Variants in NELL1 observed in about 807,000 individuals in gnomAD.
NELL1 encodes neural EGFL like 1.
NELL1 carries 76 observed loss-of-function variants against 107.4 expected under a neutral mutation model. That is an observed-to-expected ratio of 0.71 (90% CI 0.59 to 0.86). The LOEUF is 0.86. Among genes scored for constraint, NELL1 ranks in the 40% least tolerant of loss-of-function variants. NELL1 has a pLI of 0.00. For missense variants in NELL1, 1,024 were observed against 1,005.5 expected (o/e 1.02, Z -0.25); for synonymous variants, 353 against 341.2 (o/e 1.03, Z -0.38).
intron 12 of NELL1, among the ~76,000 whole-genome samples, chr11:21,031,224 T>C (rs1010907144): frequency 1.3e-5 from 2 of 152,240 alleles, no homozygotes; most frequent in Non-Finnish European, 2.9e-5. Context: ...CATATTTAGA[T>C]CATTTTCAAT....
intron 12 of NELL1, among the ~76,000 whole-genome samples, chr11:21,012,805 C>T (rs11025874): frequency 0.17 from 26,029 of 151,884 alleles, 2,751 homozygotes; most frequent in East Asian, 0.28. Flanking sequence ...AGTCCATTTA[C>T]GAGTCTGAAT....
At chr11:21,057,505 T>TTGGTATCATCACTCAA (rs1287966206) in intron 12 of NELL1, among the ~76,000 whole-genome samples, 1 of 152,012 alleles carries the variant, frequency 6.6e-6, no homozygotes, top group Non-Finnish European at 1.5e-5. Flanking sequence ...ATCAATATAT[T>TTGGTATCATCACTCAA]TATCTACCTA....
intron 2 of NELL1, among the ~76,000 whole-genome samples, chr11:20,721,960 G>A (rs113317874): frequency 2.1e-3 from 327 of 152,098 alleles, no homozygotes; most frequent in African/African-American, 7.7e-3. Context: ...TCAAGTTGCA[G>A]CTCTGCCACT....
At chr11:21,288,396 G>A (rs1419648924) in intron 14 of NELL1, among the ~76,000 whole-genome samples, 22 of 152,192 alleles carry the variant, frequency 1.4e-4, no homozygotes, top group Non-Finnish European at 5.9e-5. Flanking sequence ...TCAGTTTACT[G>A]TGCTTTGTTT....
At chr11:20,882,016 C>G (rs1849418203) in intron 4 of NELL1, among the ~76,000 whole-genome samples, 2 of 152,196 alleles carry the variant, frequency 1.3e-5, no homozygotes, top group Admixed American at 1.3e-4. Context: ...CTGTGACTTT[C>G]ATTTTAGTTG....
intron 14 of NELL1, among the ~76,000 whole-genome samples, chr11:21,252,295 G>T (rs1858659125): frequency 6.6e-6 from 1 of 152,094 alleles, no homozygotes; most frequent in Admixed American, 6.6e-5. Flanking sequence ...AAAATGGGTA[G>T]ATCCAATTGG....
intron 13 of NELL1, among the ~76,000 whole-genome samples, chr11:21,190,719 C>A (rs1231476322): frequency 6.6e-6 from 1 of 151,824 alleles, no homozygotes. Context: ...CCTAATAAGA[C>A]CCTCATTTAT....
intron 2 of NELL1, among the ~76,000 whole-genome samples, chr11:20,699,306 C>G (rs1854708475): frequency 6.6e-6 from 1 of 152,138 alleles, no homozygotes; most frequent in South Asian, 2.1e-4. Context: ...TTTCTTTCCT[C>G]TTTATGGCTG....
At chr11:20,771,173 C>T (rs1212364754) in intron 2 of NELL1, among the ~76,000 whole-genome samples, 2 of 152,110 alleles carry the variant, frequency 1.3e-5, no homozygotes, top group African/African-American at 2.4e-5. Flanking sequence ...CTCTGGGACC[C>T]CAATAAAGCC....
chr11:21,529,907 T>G (rs748311655), intron 15 of NELL1, among the ~76,000 whole-genome samples: 2 of 152,182 alleles, frequency 1.3e-5, no homozygotes, highest in Non-Finnish European at 2.9e-5. Flanking sequence ...GAAATCTAAA[T>G]AATTATTAGT....
At position 21,113,573 on chromosome 11, in the gene NELL1, A is replaced by G; in HGVS notation, c.1301-16A>G. The stretch of plus-strand genomic sequence containing the variant: ...TATTTTGCTAACCATGATCTTACTT[A>G]TTTTTTTTCCTTCAGATATTGATGA... On this transcript the variant is annotated splice_polypyrimidine_tract_variant and intron_variant, in intron 12 of 19. Transcript: ENST00000357134. 6.2e-7 allele frequency: 1 copy of G among 1,602,724 alleles called. No individual in the cohort carries two copies. Among genetic ancestry groups the G allele is most frequent in the South Asian group, 1.1e-5 (1 of 89,308 alleles).
intron 12 of NELL1, among the ~76,000 whole-genome samples, chr11:21,040,106 T>A (rs1055918665): frequency 1.4e-4 from 22 of 151,880 alleles, no homozygotes; most frequent in Non-Finnish European, 5.9e-5. Context: ...CCCGGCTTTT[T>A]TTTTCTTGTG....
At chr11:21,294,521 GATAA>G (rs1384264698) in intron 14 of NELL1, among the ~76,000 whole-genome samples, 1 of 152,060 alleles carries the variant, frequency 6.6e-6, no homozygotes, top group East Asian at 1.9e-4. Context: ...TTGGATTGAA[GATAA>G]TAGTGATTAT....
intron 14 of NELL1, among the ~76,000 whole-genome samples, chr11:21,267,653 A>G (rs1287611788): frequency 6.6e-6 from 1 of 151,904 alleles, no homozygotes; most frequent in East Asian, 1.9e-4. Context: ...CACATCTGTC[A>G]TAGCAGAAGA....
intron 15 of NELL1, among the ~76,000 whole-genome samples, chr11:21,489,890 A>C (rs1339390499): frequency 6.6e-6 from 1 of 152,168 alleles, no homozygotes; most frequent in African/African-American, 2.4e-5. Flanking sequence ...ATCTGTAACA[A>C]GACAAAGATG....
chr11:21,420,596 C>T (rs11026078), intron 15 of NELL1, among the ~76,000 whole-genome samples: 4,089 of 152,086 alleles, frequency 0.027, 106 homozygotes, highest in African/African-American at 0.072. Flanking sequence ...AGTATAGGAA[C>T]GAAAAGAGGA....
chr11:21,037,624 A>T (rs1481897840), intron 12 of NELL1, among the ~76,000 whole-genome samples: 1 of 152,100 alleles, frequency 6.6e-6, no homozygotes, highest in East Asian at 1.9e-4. Flanking sequence ...AGAAAATCTA[A>T]ATCCTTCTCT....
rs78160396 is a variant in NELL1 at position 21,125,693 on chromosome 11, A to G, written c.1426+11979A>G. 4.8e-3 allele frequency among the ~76,000 whole-genome samples: 736 copies of G among 152,336 alleles called. 2 individuals carry two copies. The highest frequency in any genetic ancestry group is 0.017 in the African/African-American group (695 of 41,588). ...AACTGGTGGAGAGGAAATGTTTTCT[A>G]TCCTTCCACGGGTGTCTGAAAGGGT... is the stretch of plus-strand genomic sequence containing the variant. On this transcript the variant is annotated intron_variant, in intron 13 of 19. Coordinates refer to ENST00000357134, the MANE Select transcript of NELL1 (RefSeq NM_006157.5).
intron 3 of NELL1, among the ~76,000 whole-genome samples, chr11:20,835,438 T>C (rs539210989): frequency 1.1e-3 from 162 of 152,292 alleles, no homozygotes; most frequent in African/African-American, 3.6e-3. Context: ...CTTTACCTAG[T>C]TGTAATTTGA....
Sources: gnomAD v4.1 joint callset for allele counts (sites outside exome capture counted in the v4.1 genomes callset) on GRCh38, gnomAD v4.1.1 for gene constraint, MANE v1.5 for transcripts, NCBI Gene and HGNC (gene_info 2026-07-23, HGNC 2026-07-21) for gene names.